The following ABI3BP variants were observed in gnomAD, a reference collection of about 807,000 sequenced individuals.
ABI3BP encodes target of Nesh-SH3.
In ABI3BP, 216 loss-of-function variants were observed where a neutral mutation model predicts 268.6. The ratio of observed to expected loss-of-function variants is 0.80; its 90% confidence interval spans 0.72 to 0.90. The LOEUF (loss-of-function observed/expected upper bound fraction) is 0.90. Ranked by LOEUF, ABI3BP falls within the 40% of genes least tolerant of loss-of-function variation. The pLI, the probability that ABI3BP is intolerant of heterozygous loss-of-function variation, is 0.00. For synonymous variants in ABI3BP, 730 were observed against 730.0 expected, an observed-to-expected ratio of 1.00 and a Z score of 0.00; for missense variants, 2,090 against 2,182.4, an observed-to-expected ratio of 0.96 and a Z score of 0.84.
rs148163164 is a variant in ABI3BP at position 100,766,933 on chromosome 3, A to G, written c.4742-984T>C. ...TGCTGTTAGCACTGAGCCCAGTGGT[A>G]TGAGATGGACATTGGAAATAAAATA... is the stretch of plus-strand genomic sequence containing the variant. On this transcript the variant is annotated intron_variant, in intron 62 of 67. Coordinates refer to ENST00000471714, the MANE Select transcript of ABI3BP (RefSeq NM_001375547.2). Among the ~76,000 whole-genome samples, 516 of 152,338 alleles carry G rather than the reference A, an allele frequency of 3.4e-3. 4 individuals carry two copies. The highest frequency in any genetic ancestry group is 5.0e-3 in the Non-Finnish European group (337 of 68,024).
chr3:100,759,796 G>A (rs2095842726), intron 63 of ABI3BP, among the ~76,000 whole-genome samples: 1 of 152,146 alleles, frequency 6.6e-6, no homozygotes, highest in South Asian at 2.1e-4. Context: ...TCTTCAACAA[G>A]GAAGGAATTG....
intron 1 of ABI3BP, among the ~76,000 whole-genome samples, chr3:100,992,493 G>T (rs2154001790): frequency 6.6e-6 from 1 of 152,302 alleles, no homozygotes; most frequent in East Asian, 1.9e-4. Flanking sequence ...GCTGACTACA[G>T]CAGTCTGCAA....
intron 9 of ABI3BP, among the ~76,000 whole-genome samples, chr3:100,867,507 G>A (rs1041538253): frequency 6.6e-6 from 1 of 151,654 alleles, no homozygotes; most frequent in Admixed American, 6.6e-5. Context: ...CGGGTGTGGT[G>A]GCGGGCCCCT....
chr3:100,862,720 T>A, intron 13 of ABI3BP, 118 bp downstream of exon 13: 1 of 700,416 alleles, frequency 1.4e-6, no homozygotes, highest in East Asian at 2.9e-5. Flanking sequence ...ATCAACCATT[T>A]GTTTGCCTAA....
At chr3:100,924,779 T>C (rs2061335621) in intron 2 of ABI3BP, among the ~76,000 whole-genome samples, 1 of 152,202 alleles carries the variant, frequency 6.6e-6, no homozygotes, top group Non-Finnish European at 1.5e-5. Flanking sequence ...AGTAATAATT[T>C]GACTTCTATT....
intron 40 of ABI3BP, 66 bp from the exon 41 acceptor site, chr3:100,818,647 G>T (rs1578868105): frequency 4.0e-6 from 5 of 1,240,688 alleles, no homozygotes; most frequent in East Asian, 5.1e-5. Context: ...TTATAATACT[G>T]CTTCAATCAG....
intron 50 of ABI3BP, among the ~76,000 whole-genome samples, chr3:100,805,479 C>T (rs1384371359): frequency 1.3e-5 from 2 of 152,016 alleles, no homozygotes; most frequent in Non-Finnish European, 2.9e-5. Flanking sequence ...ATATAATAGA[C>T]ACCAGGAAAA....
chr3:100,954,487 C>T (rs1056356053), intron 1 of ABI3BP, among the ~76,000 whole-genome samples: 2 of 152,132 alleles, frequency 1.3e-5, no homozygotes, highest in African/African-American at 2.4e-5. Context: ...TTAAAATAGC[C>T]GTTCTCTGGC....
chr3:100,768,246 A>G (rs978026316), intron 62 of ABI3BP, among the ~76,000 whole-genome samples: 12 of 151,408 alleles, frequency 7.9e-5, no homozygotes, highest in East Asian at 1.9e-4. Context: ...CCGCCACCAC[A>G]CCCGGCTAAT....
intron 1 of ABI3BP, among the ~76,000 whole-genome samples, 192 bp downstream of exon 1, chr3:100,993,114 C>T (rs1039316975): frequency 6.6e-6 from 1 of 152,134 alleles, no homozygotes; most frequent in Non-Finnish European, 1.5e-5. Flanking sequence ...CAATAAAGAG[C>T]TGTAATTGAA....
chr3:100,850,695 GT>G lies in ABI3BP; in HGVS notation c.1390del (p.Thr464LeufsTer96), dbSNP rs768337403. On this transcript the variant is annotated frameshift_variant, in exon 16 of 68. Coordinates refer to ENST00000471714, the MANE Select transcript of ABI3BP (RefSeq NM_001375547.2). LOFTEE classifies it high-confidence loss of function. ...DRILDSIPPK[T>X]SRTLEQPRAT... ...CCTTGGCTGTTCAAGAGTTCTAGAA[GT>G]TTTAGGTGGGATAGAATCCAGAATA... 1 of 1,613,256 alleles carries G rather than the reference GT, an allele frequency of 6.2e-7. No individual in the cohort carries two copies. Among genetic ancestry groups the G allele is most frequent in the Non-Finnish European group, 8.5e-7 (1 of 1,179,412 alleles).
Position 100,834,763 on chromosome 3 carries a change from T to G in ABI3BP, c.2202A>C (p.Thr734=). 6.5e-7 allele frequency: 1 copy of G among 1,535,660 alleles called. No individual in the cohort carries two copies. Among genetic ancestry groups the G allele is most frequent in the Non-Finnish European group, 8.7e-7 (1 of 1,146,506 alleles). The part of the protein sequence containing the change: ...EATVTTLAPK[T]SQRTRTRRPR... ...GACGACGTGTTCTTGTTCGTTGCGA[T>G]GTTTTTGGAGCTAAAGAAAGGAAAC... The change falls in exon 29 of 68, where the codon ACA becomes ACC. Residue 734 remains threonine, a synonymous_variant. Transcript: ENST00000471714.
intron 38 of ABI3BP, among the ~76,000 whole-genome samples, 165 bp downstream of exon 38, chr3:100,822,424 T>C (rs563134326): frequency 2.0e-5 from 3 of 152,348 alleles, no homozygotes; most frequent in South Asian, 4.1e-4. Context: ...ACAGATCTCC[T>C]AACAGTGTTT....
intron 18 of ABI3BP, among the ~76,000 whole-genome samples, chr3:100,848,368 C>T (rs2098798743): frequency 6.6e-6 from 1 of 152,192 alleles, no homozygotes; most frequent in African/African-American, 2.4e-5. Flanking sequence ...ATATAATTTT[C>T]AGTAAACCCC....
chr3:100,789,536 T>C lies in ABI3BP; in HGVS notation c.4025-20A>G. The C allele has an allele frequency of 6.4e-7, 1 of 1,573,612 alleles. No homozygotes were observed. The highest frequency in any genetic ancestry group is 8.6e-7 in the Non-Finnish European group (1 of 1,157,748). On this transcript the variant is annotated intron_variant, in intron 55 of 67. Coordinates refer to ENST00000471714, the MANE Select transcript of ABI3BP (RefSeq NM_001375547.2). The stretch of plus-strand genomic sequence containing the variant: ...GTGGCGCTGAAACAGAGGAACACTT[T>C]ATATTTAATAACCAACAGACCAAAG...
In ABI3BP at chr3:100,780,201, G is replaced by A; in HGVS notation, c.4171C>T (p.Gln1391Ter). The change falls in exon 58 of 68, where the codon CAA becomes TAA. Residue 1391 changes from glutamine to a stop codon, truncating the protein, a stop_gained. Transcript: ENST00000471714. LOFTEE classifies it high-confidence loss of function. ...SGNGVGTGVKQAPRPSGADRN... is the reference protein window; with the variant it reads ...SGNGVGTGVK ...TCAGCACCTGATGGCCTGGGTGCTT[G>A]CTTGACCCCTATGAGCAGAGATAAT... is the stretch of plus-strand genomic sequence containing the variant. The A allele has an allele frequency of 3.1e-6, 5 of 1,612,560 alleles. No homozygotes were observed. Among genetic ancestry groups the A allele is most frequent in the Non-Finnish European group, 4.2e-6 (5 of 1,178,978 alleles).
intron 51 of ABI3BP, among the ~76,000 whole-genome samples, chr3:100,798,991 C>T (rs577217107): frequency 6.7e-6 from 1 of 149,846 alleles, no homozygotes; most frequent in African/African-American, 2.4e-5. Flanking sequence ...GGCCACCCTC[C>T]CTTCTATCTC....
intron 14 of ABI3BP, among the ~76,000 whole-genome samples, chr3:100,856,252 CT>C (rs764334525): frequency 3.3e-5 from 5 of 152,308 alleles, no homozygotes; most frequent in Non-Finnish European, 4.4e-5. Context: ...AACCAATCTA[CT>C]ACTCCTTGGG....
At chr3:100,937,978 A>C (rs1397276580) in intron 1 of ABI3BP, among the ~76,000 whole-genome samples, 1 of 152,106 alleles carries the variant, frequency 6.6e-6, no homozygotes, top group East Asian at 1.9e-4. Context: ...AAAAAGAACA[A>C]GAGTAAGTCC....
Sources: allele counts gnomAD v4.1 joint callset (sites outside exome capture counted in the v4.1 genomes callset), GRCh38; gene constraint gnomAD v4.1.1; transcripts MANE v1.5; gene names NCBI Gene and HGNC (gene_info 2026-07-23, HGNC 2026-07-21).